COL14A1: variants seen among roughly 807,000 people sequenced by gnomAD.
COL14A1 encodes collagen alpha-1(XIV) chain.
Under a neutral mutation model 230.3 loss-of-function variants are expected in COL14A1, and 136 were observed. The ratio of observed to expected loss-of-function variants is 0.59; its 90% CI spans 0.51 to 0.68. COL14A1 has a LOEUF of 0.68. Ranked by LOEUF, COL14A1 falls within the 30% of genes least tolerant of loss-of-function variation. The pLI is 0.00. For synonymous variants in COL14A1, 792 were observed against 784.1 expected (o/e 1.01, Z -0.17); for missense variants, 1,976 against 2,215.8 (o/e 0.89, Z 2.17).
chr8:120,146,210 CAG>C (rs1419381765), intron 1 of COL14A1, among the ~76,000 whole-genome samples: 3 of 152,184 alleles, frequency 2.0e-5, no homozygotes, highest in Admixed American at 6.5e-5. Context: ...TCTTTACATA[CAG>C]CAAGGGCTCA....
At chr8:120,212,207 T>A (rs1446539821) in intron 12 of COL14A1, among the ~76,000 whole-genome samples, 2 of 152,346 alleles carry the variant, frequency 1.3e-5, no homozygotes, top group Admixed American at 1.3e-4. Context: ...TGTCCAGATG[T>A]AAAGAGTTAT....
Position 120,289,693 on chromosome 8 carries a change from A to T in COL14A1, c.4163A>T (p.Asn1388Ile). Residue 1388 changes from asparagine to isoleucine, a missense_variant, in exon 34 of 48, where the codon AAT becomes ATT. Physicochemically the swap from Asn to Ile is moderately radical, Grantham distance 149. This residue lies in a region of COL14A1 where 1,791 missense variants were observed against 2,019.5 expected (regional missense o/e 0.89). Coordinates refer to ENST00000297848, the MANE Select transcript of COL14A1 (RefSeq NM_021110.4). ...GAGAAGGCAATGAACGCATCAGCTA[A>T]TATCACGTCAGATGGTGTAGAAGTG... ...VGEKAMNASA[N>I]ITSDGVEVLG... 6.2e-7 allele frequency: 1 copy of T among 1,614,116 alleles called. No individual in the cohort carries two copies.
At chr8:120,164,548 A>C (rs1460921764) in intron 4 of COL14A1, among the ~76,000 whole-genome samples, 4 of 152,202 alleles carry the variant, frequency 2.6e-5, no homozygotes, top group Admixed American at 6.5e-5. Context: ...TATTTTGTGA[A>C]TATTTTAAAA....
intron 39 of COL14A1, 116 bp from the exon 40 acceptor site, chr8:120,315,828 G>C (rs561601582): frequency 8.1e-5 from 86 of 1,064,950 alleles, no homozygotes; most frequent in Non-Finnish European, 1.0e-4. Context: ...GGTTACAAAG[G>C]GTTCACCATT....
chr8:120,289,627 A>G lies in COL14A1; in HGVS notation c.4097A>G (p.Glu1366Gly). ...SFHKLHIVVSETLVKVVIDCK... is the reference protein window; with the variant it reads ...SFHKLHIVVSGTLVKVVIDCK... ...ACCTAGCTACACATTGTTGTCAGTG[A>G]GACTTTGGTCAAAGTGGTTATTGAC... Residue 1366 changes from glutamate to glycine, a missense_variant, in exon 34 of 48, where the codon GAG (glutamate) becomes GGG (glycine). Glu to Gly is a moderately conservative substitution (Grantham distance 98, BLOSUM62 -2). Coordinates refer to ENST00000297848, the MANE Select transcript of COL14A1 (RefSeq NM_021110.4). 1 of 1,613,982 alleles carries G rather than the reference A, an allele frequency of 6.2e-7. No homozygotes were observed. The highest frequency in any genetic ancestry group is 8.5e-7 in the Non-Finnish European group (1 of 1,179,934).
intron 3 of COL14A1, among the ~76,000 whole-genome samples, chr8:120,161,931 C>T (rs143886963): frequency 6.6e-6 from 1 of 152,320 alleles, no homozygotes; most frequent in East Asian, 1.9e-4. Context: ...TCCTAAAGTG[C>T]AAGGATTACA....
intron 26 of COL14A1, among the ~76,000 whole-genome samples, chr8:120,274,135 T>C (rs1372892237): frequency 6.6e-6 from 1 of 151,796 alleles, no homozygotes; most frequent in East Asian, 1.9e-4. Flanking sequence ...TACGCTGTGA[T>C]CAGGTGGATG....
At chr8:120,209,488 G>A (rs1817554451) in intron 11 of COL14A1, among the ~76,000 whole-genome samples, 1 of 152,144 alleles carries the variant, frequency 6.6e-6, no homozygotes, top group African/African-American at 2.4e-5. Flanking sequence ...CCCTGTACAA[G>A]GAGCTGGAAA....
chr8:120,309,934 A>G, intron 36 of COL14A1, 75 bp from the exon 37 acceptor site: 1 of 1,374,278 alleles, frequency 7.3e-7, no homozygotes, highest in Non-Finnish European at 1.0e-6. Flanking sequence ...GTTAATTCAT[A>G]CTATTAAGGA....
At position 120,365,952 on chromosome 8, in the gene COL14A1, C is replaced by T. The variant is rs537437850; in HGVS notation, c.5078-1219C>T. Reference sequence around the variant, plus strand: ...ATGTCTTGACTGCAAGAGATCATTACGGGGAGCACAAAAGATACCAAAGCT... The same window carrying T: ...ATGTCTTGACTGCAAGAGATCATTATGGGGAGCACAAAAGATACCAAAGCT... On this transcript the variant is annotated intron_variant, in intron 45 of 47. Transcript: ENST00000297848. Among the ~76,000 whole-genome samples the T allele has an allele frequency of 6.6e-5, 10 of 152,252 alleles. No individual in the cohort carries two copies. The South Asian group carries it at 8.3e-4, about 13-fold the overall frequency.
At chr8:120,164,787 C>T (rs934289037) in intron 4 of COL14A1, among the ~76,000 whole-genome samples, 2 of 152,194 alleles carry the variant, frequency 1.3e-5, no homozygotes, top group African/African-American at 2.4e-5. Context: ...TCCAACATTC[C>T]TGCATGAGTT....
chr8:120,294,399 G>A (rs1158430935), intron 34 of COL14A1, among the ~76,000 whole-genome samples: 4 of 148,154 alleles, frequency 2.7e-5, no homozygotes, highest in Admixed American at 1.3e-4. Flanking sequence ...AAGAGATTAT[G>A]AAAAGTGAAA....
chr8:120,291,328 G>A (rs754791479), intron 34 of COL14A1, among the ~76,000 whole-genome samples: 15 of 152,096 alleles, frequency 9.9e-5, no homozygotes, highest in East Asian at 1.9e-4. Context: ...TTGGGAGGCC[G>A]AGGTGGGTGG....
At chr8:120,185,646 AGAGT>A (rs1276322508) in intron 5 of COL14A1, among the ~76,000 whole-genome samples, 1 of 152,184 alleles carries the variant, frequency 6.6e-6, no homozygotes, top group Non-Finnish European at 1.5e-5. Context: ...CCTGGGTAAC[AGAGT>A]GAGACCCTGT....
chr8:120,160,407 C>T (rs1046773733), intron 3 of COL14A1, among the ~76,000 whole-genome samples: 9 of 152,174 alleles, frequency 5.9e-5, no homozygotes, highest in African/African-American at 2.2e-4. Context: ...TAAGTACCCC[C>T]AAGCAAGTGT....
chr8:120,188,670 A>T (rs951598811), intron 5 of COL14A1, among the ~76,000 whole-genome samples: 3 of 152,236 alleles, frequency 2.0e-5, no homozygotes, highest in Admixed American at 2.0e-4. Context: ...GGTAAGACCC[A>T]TGTAAAGTTA....
chr8:120,173,490 G>A (rs1001654830), intron 5 of COL14A1, among the ~76,000 whole-genome samples: 1 of 151,956 alleles, frequency 6.6e-6, no homozygotes, highest in Non-Finnish European at 1.5e-5. Flanking sequence ...TGTGCCTATT[G>A]CTTCTGGAGT....
At chr8:120,164,417 C>A (rs761198962) in intron 4 of COL14A1, among the ~76,000 whole-genome samples, 1 of 152,056 alleles carries the variant, frequency 6.6e-6, no homozygotes, top group Non-Finnish European at 1.5e-5. Flanking sequence ...CCTTCCCTCC[C>A]TTTTTTCTCT....
chr8:120,166,167 A>G (rs1387398389), intron 4 of COL14A1, among the ~76,000 whole-genome samples: 2 of 152,172 alleles, frequency 1.3e-5, no homozygotes, highest in African/African-American at 4.8e-5. Flanking sequence ...GACTGGCAGA[A>G]ACTCCTCTGG....
Sources: gnomAD v4.1 joint callset for allele counts (sites outside exome capture counted in the v4.1 genomes callset) on GRCh38, gnomAD v4.1.1 for gene constraint, gnomAD v4.1.1 regional missense constraint, MANE v1.5 for transcripts, NCBI Gene and HGNC (gene_info 2026-07-23, HGNC 2026-07-21) for gene names.